The following MBP variants were observed in gnomAD, a reference collection of about 807,000 sequenced individuals.
MBP encodes Golli-MBP.
A neutral mutation model predicts 35.8 loss-of-function variants in MBP; 16 were observed. The observed-to-expected ratio is 0.45, with a 90% CI of 0.30 to 0.68. MBP has a LOEUF of 0.68. Ranked by LOEUF, MBP falls within the 30% of genes least tolerant of loss-of-function variation. The pLI is 0.08. For synonymous variants in MBP, 143 were observed against 159.6 expected (o/e 0.90, Z 0.78); for missense variants, 380 against 404.7 (o/e 0.94, Z 0.52).
intron 1 of MBP, among the ~76,000 whole-genome samples, chr18:77,111,361 G>GAT (rs2145165565): frequency 6.6e-6 from 1 of 152,310 alleles, no homozygotes; most frequent in East Asian, 1.9e-4. Flanking sequence ...TAATAAAGGA[G>GAT]ATACCATGTA....
chr18:77,053,388 C>T (rs1973588198), intron 3 of MBP, among the ~76,000 whole-genome samples: 1 of 152,244 alleles, frequency 6.6e-6, no homozygotes, highest in Non-Finnish European at 1.5e-5. Flanking sequence ...ACGCCAGTGT[C>T]AGCCGGTATG....
intron 7 of MBP, chr18:76,987,610 G>A (rs1969630592): frequency 2.0e-6 from 2 of 985,314 alleles, no homozygotes; most frequent in South Asian, 4.7e-5. Flanking sequence ...TTTATATGAT[G>A]CTTATTAATT....
chr18:77,099,095 C>G (rs1975894136), intron 2 of MBP, among the ~76,000 whole-genome samples: 1 of 152,112 alleles, frequency 6.6e-6, no homozygotes, highest in South Asian at 2.1e-4. Flanking sequence ...GACCTGTAAG[C>G]ATCTCTCAGG....
In MBP at chr18:77,011,497, ACTCC is replaced by A. The variant is rs557530820; in HGVS notation, c.576+5331_576+5334del. 2.9e-3 allele frequency among the ~76,000 whole-genome samples: 442 copies of A among 151,926 alleles called. 2 individuals carry two copies. The highest frequency in any genetic ancestry group is 3.3e-3 in the Non-Finnish European group (224 of 67,992). ...GGGCTGGCGTGAAGCCCCTCTACTG[ACTCC>A]CTGTCTACTCATGGGGAAGGCAGGT... On this transcript the variant is annotated intron_variant, in intron 4 of 8. Coordinates refer to ENST00000355994, the MANE Select transcript of MBP (RefSeq NM_001025101.2).
rs561458018 is a variant in MBP, at chr18:76,990,484, G to C, written c.577-424C>G. Among the ~76,000 whole-genome samples the C allele has an allele frequency of 4.6e-5, 7 of 152,306 alleles. No individual in the cohort carries two copies. The South Asian group carries it at 1.4e-3, about 32-fold the overall frequency. The stretch of plus-strand genomic sequence containing the variant: ...TCCTATATCACTCAGGGGATGGTGA[G>C]GGATGAGGGATTTGATCAGATTTGG... On this transcript the variant is annotated intron_variant, in intron 4 of 8. Coordinates refer to ENST00000355994, the MANE Select transcript of MBP (RefSeq NM_001025101.2).
Position 77,018,963 on chromosome 18 carries a change from T to TCCA in MBP, c.140-1696_140-1695insTGG, listed in dbSNP as rs1297710899. On this transcript the variant is annotated intron_variant, in intron 3 of 8. Coordinates refer to ENST00000355994, the MANE Select transcript of MBP (RefSeq NM_001025101.2). Reference sequence around the variant, plus strand: ...ACCTGTTCATCCATCCATCTATCCATTCATCCATCCATCCATCCATCCATC... The same window carrying TCCA: ...ACCTGTTCATCCATCCATCTATCCATCCATCATCCATCCATCCATCCATCCATC... Among the ~76,000 whole-genome samples, 631 of 139,174 alleles carry TCCA rather than the reference T, an allele frequency of 4.5e-3. 12 individuals are homozygous for TCCA. The highest frequency in any genetic ancestry group is 0.016 in the African/African-American group (572 of 36,034). 91.3% of individuals were successfully genotyped at this position (139,174 alleles called of 152,430 possible).
Position 76,997,934 on chromosome 18 carries a change from G to A in MBP, c.577-7874C>T, listed in dbSNP as rs552060529. On this transcript the variant is annotated intron_variant, in intron 4 of 8. Coordinates refer to ENST00000355994, the MANE Select transcript of MBP (RefSeq NM_001025101.2). ...CCTGACCTCGTGATCCGCCCGCCTCGGCCTCCCAAAGTGCTGGGATTACAG... is the reference window on the plus strand; with the variant it reads ...CCTGACCTCGTGATCCGCCCGCCTCAGCCTCCCAAAGTGCTGGGATTACAG... Among the ~76,000 whole-genome samples the A allele has an allele frequency of 2.0e-3, 300 of 152,056 alleles. 1 individual carries two copies. Among genetic ancestry groups the A allele is most frequent in the Non-Finnish European group, 3.7e-3 (249 of 67,976 alleles).
chr18:77,008,443 C>A (rs1387915244), intron 4 of MBP, among the ~76,000 whole-genome samples: 2 of 152,210 alleles, frequency 1.3e-5, no homozygotes, highest in Non-Finnish European at 2.9e-5. Context: ...CCAAGTGCGG[C>A]TTCACAACCA....
intron 8 of MBP, chr18:76,984,214 ATT>A (rs1461406393): frequency 6.5e-6 from 1 of 154,000 alleles, no homozygotes; most frequent in African/African-American, 2.4e-5. Context: ...TTTCACAGCG[ATT>A]TTGTGAGCTG....
intron 2 of MBP, among the ~76,000 whole-genome samples, chr18:77,076,268 C>G (rs1009685829): frequency 6.6e-6 from 1 of 152,210 alleles, no homozygotes; most frequent in Non-Finnish European, 1.5e-5. Flanking sequence ...ACTATGCTGG[C>G]ACTTGGCCTG....
chr18:77,098,914 C>G (rs1294200990), intron 2 of MBP, among the ~76,000 whole-genome samples: 1 of 152,118 alleles, frequency 6.6e-6, no homozygotes, highest in East Asian at 1.9e-4. Context: ...CCCACTACCC[C>G]CTCCCCTCTT....
At chr18:77,097,824 C>A (rs950671508) in intron 2 of MBP, among the ~76,000 whole-genome samples, 1 of 152,116 alleles carries the variant, frequency 6.6e-6, no homozygotes, top group East Asian at 1.9e-4. Context: ...CTGGGTGGAG[C>A]CGGTATTAGG....
At chr18:77,126,184 T>C (rs934480283) in intron 1 of MBP, among the ~76,000 whole-genome samples, 5 of 152,158 alleles carry the variant, frequency 3.3e-5, no homozygotes, top group African/African-American at 1.2e-4. Context: ...AAAATATTAG[T>C]AAAGTGAATC....
At chr18:77,085,289 G>A (rs1975175010) in intron 2 of MBP, among the ~76,000 whole-genome samples, 1 of 152,150 alleles carries the variant, frequency 6.6e-6, no homozygotes, top group South Asian at 2.1e-4. Flanking sequence ...TGCAGATGTG[G>A]TAGAAGGGCA....
chr18:77,089,685 A>G (rs1975422783), intron 2 of MBP, among the ~76,000 whole-genome samples: 1 of 152,234 alleles, frequency 6.6e-6, no homozygotes, highest in African/African-American at 2.4e-5. Flanking sequence ...GGGCTCTTGG[A>G]GGCTACAGTA....
rs1412005628 is a variant in MBP, at chr18:77,102,939, T to C, written c.51+2272A>G. Among the ~76,000 whole-genome samples the C allele has an allele frequency of 6.6e-6, 1 of 152,264 alleles. No individual in the cohort carries two copies. Among genetic ancestry groups the C allele is most frequent in the East Asian group, 1.9e-4 (1 of 5,206 alleles). ...TTATGGTTGTTATTGCTAATTATAATGCTGACATTATCAGTAATACAGTTT... is the reference window on the plus strand; with the variant it reads ...TTATGGTTGTTATTGCTAATTATAACGCTGACATTATCAGTAATACAGTTT... On this transcript the variant is annotated intron_variant, in intron 2 of 8. Coordinates refer to ENST00000355994, the MANE Select transcript of MBP (RefSeq NM_001025101.2). The surrounding 1 kb of genome is among the most constrained non-coding windows in gnomAD (Gnocchi z 4.4).
chr18:77,123,509 C>G (rs116763971), intron 1 of MBP, among the ~76,000 whole-genome samples: 1 of 152,182 alleles, frequency 6.6e-6, no homozygotes, highest in Non-Finnish European at 1.5e-5. Flanking sequence ...CTGGAAACAC[C>G]GAGGCACTCA....
Position 77,131,855 on chromosome 18 carries a change from C to CACCTTCCAAAACG in MBP, c.-26+724_-26+725insCGTTTTGGAAGGT, listed in dbSNP as rs1977285551. Among the ~76,000 whole-genome samples the CACCTTCCAAAACG allele has an allele frequency of 1.3e-5, 2 of 151,992 alleles. No homozygotes were observed. The highest frequency in any genetic ancestry group is 2.9e-5 in the Non-Finnish European group (2 of 67,954). Reference sequence around the variant, plus strand: ...ACCCGGGCGGGCCGGCGGGCGGCTGCGGGCGGCGCACGTGGGCCCAGGTGG... The same window carrying CACCTTCCAAAACG: ...ACCCGGGCGGGCCGGCGGGCGGCTGCACCTTCCAAAACGGGGCGGCGCACGTGGGCCCAGGTGG... On this transcript the variant is annotated intron_variant, in intron 1 of 8. Coordinates refer to ENST00000355994, the MANE Select transcript of MBP (RefSeq NM_001025101.2). This position sits in a 1 kb window ranked among gnomAD's most constrained non-coding sequence, Gnocchi z 5.5.
Position 77,072,544 on chromosome 18 carries a change from T to C in MBP, c.52-6159A>G, listed in dbSNP as rs140371093. Among the ~76,000 whole-genome samples, 753 of 152,368 alleles carry C rather than the reference T, an allele frequency of 4.9e-3. 5 individuals carry two copies. Among genetic ancestry groups the C allele is most frequent in the African/African-American group, 0.017 (705 of 41,586 alleles). Reference sequence around the variant, plus strand: ...AATGAACATTATAATCATACTTTTCTATGTGGTCATCGTGAAGAGCATTCA... The same window carrying C: ...AATGAACATTATAATCATACTTTTCCATGTGGTCATCGTGAAGAGCATTCA... On this transcript the variant is annotated intron_variant, in intron 2 of 8. Transcript: ENST00000355994.
Sources: allele counts gnomAD v4.1 joint callset (sites outside exome capture counted in the v4.1 genomes callset), GRCh38; gene constraint gnomAD v4.1.1; non-coding constraint Gnocchi (gnomAD v3.1); transcripts MANE v1.5; gene names NCBI Gene and HGNC (gene_info 2026-07-23, HGNC 2026-07-21).